The following IFT80 variants were observed in gnomAD, a reference collection of about 807,000 sequenced individuals.
The protein encoded by IFT80 is intraflagellar transport protein 80 homolog.
In IFT80, 79 loss-of-function variants were observed where a neutral mutation model predicts 107.9. The observed-to-expected ratio is 0.73, with a 90% CI of 0.61 to 0.88. The LOEUF (loss-of-function observed/expected upper bound fraction) is 0.88. Among genes scored for constraint, IFT80 ranks in the 40% least tolerant of loss-of-function variants. IFT80 has a pLI of 0.00. For missense variants in IFT80, 797 were observed against 914.2 expected (o/e 0.87, Z 1.65); for synonymous variants, 299 against 300.9 (o/e 0.99, Z 0.07).
At chr3:160,298,866 C>T (rs762864429) in intron 12 of IFT80, among the ~76,000 whole-genome samples, 13 of 152,070 alleles carry the variant, frequency 8.5e-5, no homozygotes, top group South Asian at 2.1e-4. Context: ...TACCTAACCA[C>T]GTCTAAACAT....
chr3:160,347,546 T>A (rs932687538), intron 8 of IFT80, among the ~76,000 whole-genome samples: 9 of 152,122 alleles, frequency 5.9e-5, no homozygotes, highest in African/African-American at 2.2e-4. Flanking sequence ...CAAAATCATC[T>A]AAAGAGGAAG....
At chr3:160,341,552 C>T (rs932924437) in intron 8 of IFT80, among the ~76,000 whole-genome samples, 2 of 152,156 alleles carry the variant, frequency 1.3e-5, no homozygotes, top group Non-Finnish European at 2.9e-5. Context: ...TTAGACCAGG[C>T]ATGTGTACCA....
intron 1 of IFT80, among the ~76,000 whole-genome samples, chr3:160,389,722 G>T (rs1713219926): frequency 6.6e-6 from 1 of 151,908 alleles, no homozygotes; most frequent in African/African-American, 2.4e-5. Context: ...TCTTAATCCA[G>T]TCTATCATTG....
At chr3:160,319,680 A>T in intron 9 of IFT80, 80 bp downstream of exon 9, 1 of 1,152,148 alleles carries the variant, frequency 8.7e-7, no homozygotes, top group Non-Finnish European at 1.3e-6. Flanking sequence ...AAATATAATT[A>T]ATGAAGATAA....
chr3:160,264,188 C>A (rs1156682137), intron 19 of IFT80, among the ~76,000 whole-genome samples: 1 of 151,824 alleles, frequency 6.6e-6, no homozygotes, highest in East Asian at 1.9e-4. Flanking sequence ...CGGCTCACTG[C>A]AACCTCTGTC....
rs551835429 is a variant in IFT80, at chr3:160,275,166, C to T, written c.2099+2140G>A. Among the ~76,000 whole-genome samples, 9 of 152,312 alleles carry T rather than the reference C, an allele frequency of 5.9e-5. No homozygotes were observed. The East Asian group carries it at 1.7e-3, about 29-fold the overall frequency. ...TGTCTAGCACAGTTAATTCCTAGCA[C>T]ATCATAACCACTGAATAAGTGGAGG... On this transcript the variant is annotated intron_variant, in intron 18 of 19. Coordinates refer to ENST00000326448, the MANE Select transcript of IFT80 (RefSeq NM_020800.3).
chr3:160,268,965 A>G (rs903649262), intron 18 of IFT80, among the ~76,000 whole-genome samples: 2 of 152,318 alleles, frequency 1.3e-5, no homozygotes, highest in Admixed American at 6.5e-5. Flanking sequence ...ACAGTGGTTC[A>G]TGCCTGTAAT....
At chr3:160,339,364 C>CTTT (rs1719723140) in intron 8 of IFT80, among the ~76,000 whole-genome samples, 1 of 152,034 alleles carries the variant, frequency 6.6e-6, no homozygotes, top group Non-Finnish European at 1.5e-5. Flanking sequence ...AAGACAAAAA[C>CTTT]TTGGAAGGTA....
intron 5 of IFT80, among the ~76,000 whole-genome samples, chr3:160,370,296 A>G (rs1474628482): frequency 6.6e-6 from 1 of 152,134 alleles, no homozygotes; most frequent in East Asian, 1.9e-4. Flanking sequence ...ACTATATAGC[A>G]CTATCTGTTA....
rs376663259 is a variant in IFT80 at position 160,286,736 on chromosome 3, G to C, written c.1316-868C>G. On this transcript the variant is annotated intron_variant, in intron 12 of 19. Coordinates refer to ENST00000326448, the MANE Select transcript of IFT80 (RefSeq NM_020800.3). ...ACAATAGACCATCATATTCCGCAAA[G>C]GAAAAACATGTTGAATGTCTACTAT... is the stretch of plus-strand genomic sequence containing the variant. 2.6e-5 allele frequency among the ~76,000 whole-genome samples: 4 copies of C among 152,202 alleles called. No homozygotes were observed. In the East Asian group the frequency reaches 5.8e-4, roughly 22 times the overall value.
chr3:160,368,915 C>G (rs1346212373), intron 5 of IFT80, among the ~76,000 whole-genome samples: 1 of 151,818 alleles, frequency 6.6e-6, no homozygotes, highest in East Asian at 1.9e-4. Flanking sequence ...TCAGTAAATA[C>G]AACTCCCATT....
At chr3:160,371,903 C>T (rs1050241699) in intron 5 of IFT80, among the ~76,000 whole-genome samples, 1 of 152,114 alleles carries the variant, frequency 6.6e-6, no homozygotes, top group African/African-American at 2.4e-5. Flanking sequence ...AAAACTAGAA[C>T]AATGACACAA....
chr3:160,357,703 C>T, intron 6 of IFT80, 125 bp from the exon 7 acceptor site: 1 of 641,040 alleles, frequency 1.6e-6, no homozygotes, highest in African/African-American at 1.8e-5. Context: ...TCCTATCTTC[C>T]TTTTATAGCC....
chr3:160,258,603 T>A lies in IFT80; in HGVS notation c.2256A>T (p.Lys752Asn). The A allele has an allele frequency of 6.2e-7, 1 of 1,613,262 alleles. No homozygotes were observed. The highest frequency in any genetic ancestry group is 1.7e-4 in the Middle Eastern group (1 of 6,054). ...LQIDWEKIKA[K>N]IEMEITKERE... ...TTTCTTTTGTAATTTCCATCTCAAT[T>A]TTGGCTTTGATTTTCTCCCAATCTA... Residue 752 changes from lysine to asparagine, a missense_variant, in exon 20 of 20, where the codon AAA becomes AAT. Physicochemically the swap from Lys to Asn is moderately conservative, Grantham distance 94. Coordinates refer to ENST00000326448, the MANE Select transcript of IFT80 (RefSeq NM_020800.3).
In IFT80 at chr3:160,277,367, G is replaced by T; in HGVS notation, c.2038C>A (p.Leu680Ile). 6.2e-7 allele frequency: 1 copy of T among 1,613,584 alleles called. No individual in the cohort carries two copies. The highest frequency in any genetic ancestry group is 8.5e-7 in the Non-Finnish European group (1 of 1,179,688). ...GNIQEAEIVL[L>I]QAGLVYQAIQ... ...GCTTGATAAACAAGGCCAGCCTGAA[G>T]AAGTACTATTTCAGCCTCCTGTATG... Residue 680 changes from leucine (L) to isoleucine (I), a missense_variant, in exon 18 of 20, where the codon CTT becomes ATT. Physicochemically the swap from Leu to Ile is conservative, Grantham distance 5. Transcript: ENST00000326448.
chr3:160,320,156 A>T (rs976587219), intron 8 of IFT80: 2 of 500,286 alleles, frequency 4.0e-6, no homozygotes, highest in Non-Finnish European at 7.1e-6. Context: ...AGTGTATGAA[A>T]TATCTCAAGA....
intron 1 of IFT80, among the ~76,000 whole-genome samples, chr3:160,393,496 A>G (rs1713538149): frequency 6.6e-6 from 1 of 152,208 alleles, no homozygotes; most frequent in African/African-American, 2.4e-5. Flanking sequence ...AAAAAGTAGA[A>G]TGATGGCTGC....
chr3:160,381,265 T>TATATATATA (rs1559971346), intron 3 of IFT80, among the ~76,000 whole-genome samples: 44 of 135,176 alleles, frequency 3.3e-4, no homozygotes, highest in Non-Finnish European at 4.1e-4. Context: ...TATATATATA[T>TATATATATA]TAAAGCCAAA....
intron 8 of IFT80, among the ~76,000 whole-genome samples, chr3:160,347,317 G>T (rs185429516): frequency 6.6e-6 from 1 of 152,104 alleles, no homozygotes; most frequent in Admixed American, 6.5e-5. Flanking sequence ...GTTGCTAGTG[G>T]TTTTTTTCAT....
Sources: allele counts gnomAD v4.1 joint callset (sites outside exome capture counted in the v4.1 genomes callset), GRCh38; gene constraint gnomAD v4.1.1; transcripts MANE v1.5; gene names NCBI Gene and HGNC (gene_info 2026-07-23, HGNC 2026-07-21).